ZMPSTE24: variants seen among roughly 807,000 people sequenced by gnomAD.
ZMPSTE24 encodes the protein CAAX prenyl protease 1 homolog.
ZMPSTE24 carries 48 observed loss-of-function variants against 56.7 expected under a neutral mutation model. That is an observed-to-expected ratio of 0.85 (90% CI 0.67 to 1.08). ZMPSTE24 has a LOEUF of 1.08. Ranked by LOEUF, ZMPSTE24 falls within the 50% of genes least tolerant of loss-of-function variation. ZMPSTE24 has a pLI of 0.00. For missense variants in ZMPSTE24, 503 were observed against 548.7 expected (o/e 0.92, Z 0.83); for synonymous variants, 172 against 195.2 (o/e 0.88, Z 0.99).
intron 6 of ZMPSTE24, 84 bp from the exon 7 acceptor site, chr1:40,281,259 C>T: frequency 7.9e-7 from 1 of 1,272,728 alleles, no homozygotes; most frequent in East Asian, 2.3e-5. Flanking sequence ...AATGTCCTTT[C>T]CAGTAATTCA....
At position 40,292,460 on chromosome 1, in the gene ZMPSTE24, C is replaced by A; in HGVS notation, c.1219C>A (p.Leu407Ile). The change falls in exon 10 of 10, where the codon CTA (leucine) becomes ATA (isoleucine). Residue 407 changes from leucine (L) to isoleucine (I), a missense_variant. Leu to Ile is a conservative substitution (Grantham distance 5, BLOSUM62 2). Transcript: ENST00000372759. ...TCTTTTTCAGGTTCTTTCTTTTTGC[C>A]TAACAGTCCTAAGCCGCAGATTTGA... ...SPYNEVLSFC[L>I]TVLSRRFEFQ... The A allele has an allele frequency of 6.2e-7, 1 of 1,613,906 alleles. No individual in the cohort carries two copies. Among genetic ancestry groups the A allele is most frequent in the Non-Finnish European group, 8.5e-7 (1 of 1,179,998 alleles).
intron 8 of ZMPSTE24, among the ~76,000 whole-genome samples, chr1:40,289,186 T>C (rs1035323531): frequency 6.6e-6 from 1 of 152,244 alleles, no homozygotes; most frequent in Non-Finnish European, 1.5e-5. Flanking sequence ...TTTAACTTAC[T>C]GGTGCCTTCA....
At chr1:40,265,936 T>A (rs934986468) in intron 2 of ZMPSTE24, among the ~76,000 whole-genome samples, 3 of 152,168 alleles carry the variant, frequency 2.0e-5, no homozygotes, top group Non-Finnish European at 4.4e-5. Context: ...ATGGATAGTT[T>A]AAAGTGTGGG....
At chr1:40,280,321 G>A (rs1643715472) in intron 6 of ZMPSTE24, among the ~76,000 whole-genome samples, 1 of 152,126 alleles carries the variant, frequency 6.6e-6, no homozygotes, top group East Asian at 1.9e-4. Flanking sequence ...CTGTACGTTC[G>A]TTAGCAGTTC....
Position 40,260,833 on chromosome 1 carries a change from T to A in ZMPSTE24, c.124-6T>A. The A allele has an allele frequency of 6.2e-7, 1 of 1,612,870 alleles. No individual in the cohort carries two copies. The highest frequency in any genetic ancestry group is 8.5e-7 in the Non-Finnish European group (1 of 1,179,042). ...TCACTAAAGTGTTTTCTTTAAAATA[T>A]TTCAGAGAAGGATATATAAAACAAC... On this transcript the variant is annotated splice_region_variant and splice_polypyrimidine_tract_variant and intron_variant, in intron 1 of 9. Coordinates refer to ENST00000372759, the MANE Select transcript of ZMPSTE24 (RefSeq NM_005857.5).
Position 40,292,436 on chromosome 1 carries a change from CT to C in ZMPSTE24, c.1204-4del. 2 of 1,613,012 alleles carry C rather than the reference CT, an allele frequency of 1.2e-6. No homozygotes were observed. The highest frequency in any genetic ancestry group is 1.7e-6 in the Non-Finnish European group (2 of 1,179,800). ...GCAGTGGCTAAAACCCTTTCATTTT[CT>C]TTTTCAGGTTCTTTCTTTTTGCCTA... is the stretch of plus-strand genomic sequence containing the variant. On this transcript the variant is annotated splice_region_variant and splice_polypyrimidine_tract_variant and intron_variant, in intron 9 of 9. Transcript: ENST00000372759.
At chr1:40,275,438 A>G (rs1172750916) in intron 6 of ZMPSTE24, among the ~76,000 whole-genome samples, 1 of 151,256 alleles carries the variant, frequency 6.6e-6, no homozygotes, top group Non-Finnish European at 1.5e-5. Context: ...TGTCTCAAAA[A>G]ACAAACAAAC....
At position 40,281,491 on chromosome 1, in the gene ZMPSTE24, A is replaced by G. The variant is rs761390798; in HGVS notation, c.918A>G (p.Glu306=). 2.5e-6 allele frequency: 4 copies of G among 1,614,136 alleles called. No homozygotes were observed. Among genetic ancestry groups the G allele is most frequent in the East Asian group, 2.2e-5 (1 of 44,854 alleles). The change falls in exon 7 of 10, where the codon GAA becomes GAG. Residue 306 remains glutamate (E), a synonymous_variant. Coordinates refer to ENST00000372759, the MANE Select transcript of ZMPSTE24 (RefSeq NM_005857.5). ...EDSGMEPRNE[E]EGNSEEIKAK... is the part of the protein sequence containing the mutation. ...CTGGCATGGAACCCCGCAATGAGGA[A>G]GAAGGGAACAGTGAAGAAATAAAAG...
At chr1:40,288,816 G>A (rs1643810911) in intron 8 of ZMPSTE24, among the ~76,000 whole-genome samples, 1 of 150,370 alleles carries the variant, frequency 6.7e-6, no homozygotes, top group South Asian at 2.1e-4. Flanking sequence ...TTTTTCCAAG[G>A]CCCTAATAAT....
At chr1:40,273,536 AAATATATATATATATATAT>A (rs1462125581) in intron 6 of ZMPSTE24, among the ~76,000 whole-genome samples, 13 of 74,336 alleles carry the variant, frequency 1.7e-4, no homozygotes, top group South Asian at 1.4e-3. Flanking sequence ...AAAAAAAAAA[AAATATATATATATATATAT>A]ATATATATAT....
rs569654067 is a variant in ZMPSTE24 at position 40,291,253 on chromosome 1, C to T, written c.1203+256C>T. 2.6e-5 allele frequency among the ~76,000 whole-genome samples: 4 copies of T among 152,246 alleles called. No individual in the cohort carries two copies. In the South Asian group the frequency reaches 8.3e-4, roughly 32 times the overall value. ...TCAGTGGTGAACACCTAAAAGGACT[C>T]GGTAGATGGAGATTAACTATTGGAA... is the stretch of plus-strand genomic sequence containing the variant. On this transcript the variant is annotated intron_variant, in intron 9 of 9. Coordinates refer to ENST00000372759, the MANE Select transcript of ZMPSTE24 (RefSeq NM_005857.5).
chr1:40,285,485 C>G (rs895164145), intron 7 of ZMPSTE24, among the ~76,000 whole-genome samples: 1 of 152,208 alleles, frequency 6.6e-6, no homozygotes, highest in Non-Finnish European at 1.5e-5. Context: ...AGTTATCTGT[C>G]TGCCTCGGTT....
Position 40,270,180 on chromosome 1 carries a change from A to G in ZMPSTE24, c.627+53A>G, listed in dbSNP as rs562473037. ...TTTGCAAAAGTTCCTTGGTGAGATT[A>G]CTGTAATCTTCATTGGCATGTAAAC... On this transcript the variant is annotated intron_variant, in intron 5 of 9. Coordinates refer to ENST00000372759, the MANE Select transcript of ZMPSTE24 (RefSeq NM_005857.5). 7.2e-5 allele frequency: 114 copies of G among 1,584,514 alleles called. 3 individuals are homozygous for G. The South Asian group carries it at 1.2e-3, about 16-fold the overall frequency.
At chr1:40,260,566 G>GATGTTAACA in intron 1 of ZMPSTE24, among the ~76,000 whole-genome samples, 2 of 150,894 alleles carry the variant, frequency 1.3e-5, no homozygotes, top group Non-Finnish European at 2.9e-5. Flanking sequence ...ACAAAGTTGT[G>GATGTTAACA]ATGTTAACAG....
intron 2 of ZMPSTE24, among the ~76,000 whole-genome samples, chr1:40,264,966 A>AT (rs1643535435): frequency 1.3e-5 from 2 of 151,766 alleles, no homozygotes; most frequent in African/African-American, 4.8e-5. Flanking sequence ...TAATTTTGCC[A>AT]TAGAACAACC....
At chr1:40,269,731 G>C (rs1329131671) in intron 4 of ZMPSTE24, among the ~76,000 whole-genome samples, 1 of 152,156 alleles carries the variant, frequency 6.6e-6, no homozygotes, top group East Asian at 1.9e-4. Flanking sequence ...CTTCCAAAGT[G>C]CTGGAATTAC....
At chr1:40,276,695 G>T (rs891996287) in intron 6 of ZMPSTE24, among the ~76,000 whole-genome samples, 11 of 152,234 alleles carry the variant, frequency 7.2e-5, no homozygotes, top group Admixed American at 2.0e-4. Context: ...TGAGAAATGC[G>T]CCATTAGGCT....
chr1:40,258,241 A>T lies in ZMPSTE24; in HGVS notation c.-31A>T, dbSNP rs1643457667. 6.2e-7 allele frequency: 1 copy of T among 1,611,580 alleles called. No individual in the cohort carries two copies. Among genetic ancestry groups the T allele is most frequent in the Non-Finnish European group, 8.5e-7 (1 of 1,179,698 alleles). ...ACGAGTGTCGGTGTGGCACCGGTGC[A>T]CGCTGAAGGAGCCGGCGGAACCGGG... On this transcript the variant is annotated 5_prime_UTR_variant, in exon 1 of 10. Coordinates refer to ENST00000372759, the MANE Select transcript of ZMPSTE24 (RefSeq NM_005857.5).
At chr1:40,284,577 C>A (rs1265061711) in intron 7 of ZMPSTE24, among the ~76,000 whole-genome samples, 1 of 151,832 alleles carries the variant, frequency 6.6e-6, no homozygotes, top group Non-Finnish European at 1.5e-5. Context: ...CATGGTGAAA[C>A]CCTGTCTCTA....
Sources: gnomAD v4.1 joint callset for allele counts (sites outside exome capture counted in the v4.1 genomes callset) on GRCh38, gnomAD v4.1.1 for gene constraint, MANE v1.5 for transcripts, NCBI Gene and HGNC (gene_info 2026-07-23, HGNC 2026-07-21) for gene names.